TRIM52: variants seen among roughly 807,000 people sequenced by gnomAD.
TRIM52 encodes tripartite motif containing 52.
In TRIM52, 24 loss-of-function variants were observed where a neutral mutation model predicts 27.0. The observed-to-expected ratio is 0.89, with a 90% CI of 0.64 to 1.25. The LOEUF is 1.25. TRIM52 is among the 50% of genes most tolerant of loss of function. The pLI, the probability that TRIM52 is intolerant of heterozygous loss-of-function variation, is 0.00. For missense variants in TRIM52, 351 were observed against 354.7 expected, an observed-to-expected ratio of 0.99 and a Z score of 0.08; for synonymous variants, 125 against 126.5, an observed-to-expected ratio of 0.99 and a Z score of 0.08.
chr5:181,251,262 C>T (rs1468717874), downstream of TRIM52, among the ~76,000 whole-genome samples: 2 of 150,362 alleles, frequency 1.3e-5, no homozygotes, highest in Non-Finnish European at 2.9e-5. Flanking sequence ...TCACTGCACT[C>T]CAGAGCCTGG....
chr5:181,256,918 A>G (rs1582313186), intron 1 of TRIM52, 59 bp from the exon 2 acceptor site: 1 of 985,548 alleles, frequency 1.0e-6, no homozygotes, highest in Non-Finnish European at 1.2e-6. Context: ...TTTGGCTGCC[A>G]TTTTTAGCTA....
At position 181,256,616 on chromosome 5, in the gene TRIM52, T is replaced by G. The variant is rs1329346636; in HGVS notation, c.*193A>C. 5.5e-6 allele frequency: 1 copy of G among 182,426 alleles called. No homozygotes were observed. Among genetic ancestry groups the G allele is most frequent in the Non-Finnish European group, 1.0e-5 (1 of 95,740 alleles). 11.3% of individuals were successfully genotyped at this position (182,426 alleles called of 1,614,324 possible). On this transcript the variant is annotated 3_prime_UTR_variant, in exon 2 of 2. Coordinates refer to ENST00000688015, the MANE Select transcript of TRIM52 (RefSeq NM_001346048.2). Reference sequence around the variant, plus strand: ...AATTTATTTGTGGCAGCACTCAGAATGCAAGGTTTCACAAGTGTCTCCATT... The same window carrying G: ...AATTTATTTGTGGCAGCACTCAGAAGGCAAGGTTTCACAAGTGTCTCCATT...
chr5:181,259,007 C>T (rs891761300), intron 1 of TRIM52: 1 of 152,222 alleles, frequency 6.6e-6, no homozygotes, highest in Non-Finnish European at 1.5e-5. Flanking sequence ...CTGAAGACAA[C>T]CTCTCCTTCG....
chr5:181,258,757 T>C (rs1454510640), intron 1 of TRIM52: 1 of 151,994 alleles, frequency 6.6e-6, no homozygotes, highest in Non-Finnish European at 1.5e-5. Flanking sequence ...ATATATAACT[T>C]AAAAGTTTCA....
chr5:181,250,470 A>C (rs1383841894), downstream of TRIM52, among the ~76,000 whole-genome samples: 1 of 152,028 alleles, frequency 6.6e-6, no homozygotes, highest in Non-Finnish European at 1.5e-5. Flanking sequence ...CAGGAGGCAG[A>C]GGTTGCAGTG....
chr5:181,254,291 CAGAG>C (rs776117185), downstream of TRIM52: 12 of 133,842 alleles, frequency 9.0e-5, 2 homozygotes, highest in South Asian at 9.8e-4. Context: ...CTCTGTCAAA[CAGAG>C]AGAGAGAGAG....
chr5:181,259,899 C>T (rs1308894501), intron 1 of TRIM52, 102 bp downstream of exon 1: 25 of 1,586,924 alleles, frequency 1.6e-5, no homozygotes, highest in South Asian at 2.3e-5. Flanking sequence ...AGTTTAGCAA[C>T]TAAGTACCTG....
chr5:181,249,194 G>A (rs895565185), downstream of TRIM52, among the ~76,000 whole-genome samples: 1 of 152,184 alleles, frequency 6.6e-6, no homozygotes, highest in Non-Finnish European at 1.5e-5. Flanking sequence ...AGACAAATGA[G>A]TCAAGCCAAA....
At chr5:181,251,113 A>G (rs1759624352), downstream of TRIM52, among the ~76,000 whole-genome samples, 1 of 152,010 alleles carries the variant, frequency 6.6e-6, no homozygotes, top group South Asian at 2.1e-4. Flanking sequence ...AACAATTAAA[A>G]TTACATTTTA....
intron 1 of TRIM52, chr5:181,258,436 G>C (rs2113249289): frequency 6.6e-6 from 1 of 152,278 alleles, no homozygotes; most frequent in East Asian, 1.9e-4. Context: ...CTTTTCCTCA[G>C]CTTCAGTATA....
chr5:181,258,047 T>C (rs1759859922), intron 1 of TRIM52: 1 of 152,080 alleles, frequency 6.6e-6, no homozygotes, highest in South Asian at 2.1e-4. Flanking sequence ...GTCTTAACTG[T>C]GCACTTAACA....
chr5:181,251,981 A>G (rs1759644079), downstream of TRIM52, among the ~76,000 whole-genome samples: 1 of 152,140 alleles, frequency 6.6e-6, no homozygotes, highest in Non-Finnish European at 1.5e-5. Context: ...TATCCCTCCT[A>G]TTTTGAGGCT....
downstream of TRIM52, among the ~76,000 whole-genome samples, chr5:181,253,623 T>G (rs568934732): frequency 4.2e-5 from 6 of 142,864 alleles, 2 homozygotes; most frequent in African/African-American, 1.7e-4. Context: ...TGCTACTAAG[T>G]ATCCTATAAT....
downstream of TRIM52, chr5:181,254,718 C>T (rs1346900773): frequency 6.6e-6 from 1 of 152,136 alleles, no homozygotes; most frequent in East Asian, 1.9e-4. Flanking sequence ...AGTCTAGGCT[C>T]AGTAGGATAG....
downstream of TRIM52, among the ~76,000 whole-genome samples, chr5:181,251,747 A>T (rs1416173237): frequency 1.3e-5 from 2 of 152,144 alleles, no homozygotes; most frequent in African/African-American, 2.4e-5. Context: ...GTTAGTTCTC[A>T]TGGTCTGGGA....
chr5:181,252,690 T>C (rs1759665832), downstream of TRIM52, among the ~76,000 whole-genome samples: 1 of 152,212 alleles, frequency 6.6e-6, no homozygotes, highest in African/African-American at 2.4e-5. Context: ...CAGGGGTTGA[T>C]GGTCAATGGC....
rs907403282 is a variant in TRIM52 at position 181,257,598 on chromosome 5, T to G, written c.814-739A>C. 17 of 818,654 alleles carry G rather than the reference T, an allele frequency of 2.1e-5. No individual in the cohort carries two copies. In the Admixed American group the frequency reaches 3.7e-4, roughly 18 times the overall value. The allele number at this position is 818,654 out of a possible 1,614,324, so 50.7% of individuals were successfully genotyped here. A position where few individuals can be genotyped will look rare whatever the true frequency, so the allele number is the denominator to read the frequency against. ...ATTATACAAAAATAGTTCCTTGTAC[T>G]GTTAACTATTATTATGACTTTGGTC... On this transcript the variant is annotated intron_variant, in intron 1 of 1. Coordinates refer to ENST00000688015, the MANE Select transcript of TRIM52 (RefSeq NM_001346048.2).
chr5:181,254,028 C>T (rs144563511), downstream of TRIM52, among the ~76,000 whole-genome samples: 2 of 140,812 alleles, frequency 1.4e-5, no homozygotes, highest in South Asian at 2.3e-4. Context: ...CGGTGGCTCA[C>T]GCCTGTAATC....
rs1030622696 is a variant in TRIM52, at chr5:181,260,573, A to G, written c.241T>C (p.Ser81Pro). 1.9e-5 allele frequency: 30 copies of G among 1,613,280 alleles called. No homozygotes were observed. Among genetic ancestry groups the G allele is most frequent in the Non-Finnish European group, 2.5e-5 (29 of 1,179,840 alleles). The change falls in exon 1 of 2, where the codon TCC becomes CCC. Residue 81 changes from serine to proline, a missense_variant. Ser to Pro is a moderately conservative substitution (Grantham distance 74). Transcript: ENST00000688015. The surrounding 1 kb of genome is among the most constrained non-coding windows in gnomAD (Gnocchi z 4.4). ...AVGAMDGWDG[S>P]IREVLYRGNA... The stretch of plus-strand genomic sequence containing the variant: ...CCCCGATACAACACCTCTCGAATGG[A>G]GCCGTCCCATCCATCCATGGCCCCC...
Sources: gnomAD v4.1 joint callset for allele counts (sites outside exome capture counted in the v4.1 genomes callset) on GRCh38, gnomAD v4.1.1 for gene constraint, Gnocchi (gnomAD v3.1) non-coding constraint, MANE v1.5 for transcripts, NCBI Gene and HGNC (gene_info 2026-07-23, HGNC 2026-07-21) for gene names.